The following CSMD1 variants were observed in gnomAD, a reference collection of about 807,000 sequenced individuals.
The protein encoded by CSMD1 is CUB and sushi domain-containing protein 1.
In CSMD1, 213 loss-of-function variants were observed where a neutral mutation model predicts 417.5. The ratio of observed to expected loss-of-function variants is 0.51; its 90% CI spans 0.46 to 0.57. The LOEUF is 0.57. CSMD1 is among the 20% of genes least tolerant of loss of function. The pLI is 0.00. For synonymous variants in CSMD1, 2,862 were observed against 1,736.8 expected (o/e 1.65, Z -16.11); for missense variants, 6,923 against 4,529.7 (o/e 1.53, Z -15.17).
At chr8:3,786,177 T>C (rs1008772642) in intron 5 of CSMD1, among the ~76,000 whole-genome samples, 3 of 152,110 alleles carry the variant, frequency 2.0e-5, no homozygotes, top group African/African-American at 7.2e-5. Flanking sequence ...TGGGGCCAGA[T>C]TGGGACATGA....
intron 12 of CSMD1, among the ~76,000 whole-genome samples, chr8:3,460,116 T>C (rs1463047795): frequency 6.6e-6 from 1 of 152,010 alleles, no homozygotes; most frequent in African/African-American, 2.4e-5. Context: ...ATTGTTGGGA[T>C]GGAGGCAGCT....
chr8:3,520,020 C>CTATATACATATATATATATATATA (rs1491306356), intron 10 of CSMD1, among the ~76,000 whole-genome samples: 3 of 137,586 alleles, frequency 2.2e-5, no homozygotes, highest in African/African-American at 8.9e-5. Flanking sequence ...GTGTATATAC[C>CTATATACATATATATATATATATA]TATATATATA....
intron 2 of CSMD1, among the ~76,000 whole-genome samples, chr8:4,523,907 A>G (rs547283234): frequency 6.6e-6 from 1 of 152,066 alleles, no homozygotes; most frequent in South Asian, 2.1e-4. Context: ...TCATGATGCT[A>G]TTTCTAATCA....
chr8:4,060,342 G>A lies in CSMD1; in HGVS notation c.416-28243C>T, dbSNP rs138392967. Reference sequence around the variant, plus strand: ...ACAAACCCACAGCCGATATCATACTGAATGGGCCAAAACTGGAAGCATTCC... The same window carrying A: ...ACAAACCCACAGCCGATATCATACTAAATGGGCCAAAACTGGAAGCATTCC... On this transcript the variant is annotated intron_variant, in intron 3 of 69. Transcript: ENST00000635120. Among the ~76,000 whole-genome samples the A allele has an allele frequency of 4.6e-4, 70 of 152,302 alleles. No homozygotes were observed. The East Asian group carries it at 0.014, about 29-fold the overall frequency.
At chr8:4,653,420 C>T (rs1192441963) in intron 1 of CSMD1, among the ~76,000 whole-genome samples, 3 of 152,080 alleles carry the variant, frequency 2.0e-5, no homozygotes, top group Admixed American at 6.5e-5. Context: ...TTGTTTAATT[C>T]ACAAGAGTAC....
At chr8:4,843,797 G>A (rs1749865293) in intron 1 of CSMD1, among the ~76,000 whole-genome samples, 1 of 152,180 alleles carries the variant, frequency 6.6e-6, no homozygotes, top group Non-Finnish European at 1.5e-5. Context: ...TGAACAAACT[G>A]ATACAACGTA....
At chr8:3,257,924 A>G (rs1376914423) in intron 26 of CSMD1, among the ~76,000 whole-genome samples, 1 of 152,186 alleles carries the variant, frequency 6.6e-6, no homozygotes, top group Non-Finnish European at 1.5e-5. Context: ...TATATTTTAA[A>G]GAATTAATGT....
intron 3 of CSMD1, among the ~76,000 whole-genome samples, chr8:4,383,419 G>A (rs1380569921): frequency 1.3e-5 from 2 of 152,268 alleles, no homozygotes; most frequent in East Asian, 1.9e-4. Flanking sequence ...CCTCATTTCC[G>A]TTAAGTCCAG....
intron 1 of CSMD1, among the ~76,000 whole-genome samples, chr8:4,936,476 T>A (rs1033539905): frequency 2.0e-5 from 3 of 152,216 alleles, no homozygotes; most frequent in Admixed American, 6.5e-5. Context: ...TTTCAAGGCT[T>A]TAAAACTTTG....
rs546833080 is a variant in CSMD1, at chr8:3,799,184, G to C, written c.819-45142C>G. Among the ~76,000 whole-genome samples the C allele has an allele frequency of 5.9e-5, 9 of 151,912 alleles. No homozygotes were observed. The South Asian group carries it at 1.5e-3, about 25-fold the overall frequency. The stretch of plus-strand genomic sequence containing the variant: ...TAATGTATTTATTTGACTATCATAA[G>C]AAAAAGAGGAATAGCACATAACTTA... On this transcript the variant is annotated intron_variant, in intron 5 of 69. Coordinates refer to ENST00000635120, the MANE Select transcript of CSMD1 (RefSeq NM_033225.6).
chr8:3,390,748 C>A (rs539913210), intron 17 of CSMD1, among the ~76,000 whole-genome samples: 7 of 151,806 alleles, frequency 4.6e-5, no homozygotes, highest in African/African-American at 1.7e-4. Context: ...GCAAATAATC[C>A]GTGTGCAGCT....
At chr8:4,433,819 A>T (rs901826104) in intron 2 of CSMD1, among the ~76,000 whole-genome samples, 11 of 150,638 alleles carry the variant, frequency 7.3e-5, no homozygotes, top group Non-Finnish European at 1.5e-4. Flanking sequence ...AGATACTTTT[A>T]ATGAATCTGG....
intron 10 of CSMD1, among the ~76,000 whole-genome samples, chr8:3,512,879 A>C (rs1225146417): frequency 1.3e-5 from 2 of 151,978 alleles, no homozygotes; most frequent in Admixed American, 6.6e-5. Context: ...TACAGGTGTG[A>C]GCCACTGCAC....
intron 5 of CSMD1, among the ~76,000 whole-genome samples, chr8:3,935,059 G>C (rs1333504744): frequency 6.6e-6 from 1 of 152,008 alleles, no homozygotes; most frequent in African/African-American, 2.4e-5. Context: ...GCATTGCACT[G>C]GCTTCATAAC....
intron 49 of CSMD1, among the ~76,000 whole-genome samples, chr8:3,058,372 G>A (rs1451150845): frequency 6.6e-6 from 1 of 152,170 alleles, no homozygotes; most frequent in African/African-American, 2.4e-5. Flanking sequence ...ACCCGTATTT[G>A]TGGGTAGACA....
At chr8:4,645,523 T>G (rs1269056498) in intron 1 of CSMD1, among the ~76,000 whole-genome samples, 1 of 146,074 alleles carries the variant, frequency 6.8e-6, no homozygotes, top group African/African-American at 2.6e-5. Context: ...ATTAATTTGC[T>G]GCATGGAGCA....
At chr8:4,650,854 T>C (rs1303350245) in intron 1 of CSMD1, among the ~76,000 whole-genome samples, 1 of 152,224 alleles carries the variant, frequency 6.6e-6, no homozygotes, top group Non-Finnish European at 1.5e-5. Flanking sequence ...GAAAAATAGC[T>C]AGTTGCCTAG....
chr8:4,915,520 G>A (rs1358755223), intron 1 of CSMD1, among the ~76,000 whole-genome samples: 1 of 152,120 alleles, frequency 6.6e-6, no homozygotes, highest in African/African-American at 2.4e-5. Flanking sequence ...CAAAAAGCAG[G>A]CCTGGCAGGA....
At chr8:3,811,022 A>G (rs564424511) in intron 5 of CSMD1, among the ~76,000 whole-genome samples, 1 of 152,226 alleles carries the variant, frequency 6.6e-6, no homozygotes, top group South Asian at 2.1e-4. Context: ...CCGTTTGATC[A>G]CTCCGTCTTA....
Sources: allele counts gnomAD v4.1 joint callset (sites outside exome capture counted in the v4.1 genomes callset), GRCh38; gene constraint gnomAD v4.1.1; transcripts MANE v1.5; gene names NCBI Gene and HGNC (gene_info 2026-07-23, HGNC 2026-07-21).